The following TBC1D9 variants were observed in gnomAD, a reference collection of about 807,000 sequenced individuals.
The protein encoded by TBC1D9 is TBC1 domain family member 9, also known as TBC1 domain family member 9A.
Under a neutral mutation model 132.0 loss-of-function variants are expected in TBC1D9, and 63 were observed. The ratio of observed to expected loss-of-function variants is 0.48; its 90% CI spans 0.39 to 0.59. TBC1D9 has a LOEUF of 0.59. Ranked by LOEUF, TBC1D9 falls within the 20% of genes least tolerant of loss-of-function variation. TBC1D9 has a pLI of 0.00. For synonymous variants in TBC1D9, 610 were observed against 609.9 expected (o/e 1.00, Z 0.00); for missense variants, 1,261 against 1,592.7 (o/e 0.79, Z 3.54).
At chr4:140,643,479 G>A (rs956165090) in intron 13 of TBC1D9, 21 of 886,768 alleles carry the variant, frequency 2.4e-5, no homozygotes, top group Admixed American at 7.5e-5. Flanking sequence ...GGTGCTGCCG[G>A]GCACAGGCAC....
rs1293894392 is a variant in TBC1D9 at position 140,621,912 on chromosome 4, A to G, written c.*283T>C. 3.2e-6 allele frequency: 1 copy of G among 314,680 alleles called. No homozygotes were observed. The highest frequency in any genetic ancestry group is 2.1e-5 in the African/African-American group (1 of 47,170). 19.5% of individuals were successfully genotyped at this position (314,680 alleles called of 1,614,324 possible). On this transcript the variant is annotated 3_prime_UTR_variant, in exon 21 of 21. Coordinates refer to ENST00000442267, the MANE Select transcript of TBC1D9 (RefSeq NM_015130.3). ...CAGCAAGATTAATAAGTTATAATAC[A>G]CACATATCACTGACAGATTCATCTT...
chr4:140,723,256 G>A (rs945677433), intron 1 of TBC1D9, among the ~76,000 whole-genome samples: 4 of 152,158 alleles, frequency 2.6e-5, no homozygotes, highest in Admixed American at 1.3e-4. Context: ...TTCAACCTGC[G>A]TTACCAAACT....
At chr4:140,724,576 T>C (rs1038123179) in intron 1 of TBC1D9, among the ~76,000 whole-genome samples, 1 of 151,746 alleles carries the variant, frequency 6.6e-6, no homozygotes, top group African/African-American at 2.4e-5. Flanking sequence ...AAACCTGATA[T>C]ATTCTTCTAC....
chr4:140,690,513 C>T (rs1189212719), intron 2 of TBC1D9, among the ~76,000 whole-genome samples: 2 of 152,034 alleles, frequency 1.3e-5, no homozygotes, highest in Admixed American at 6.6e-5. Flanking sequence ...GTCTCCTGTC[C>T]TTCCTTCCTC....
chr4:140,641,528 A>G (rs1736994648), intron 13 of TBC1D9, among the ~76,000 whole-genome samples: 1 of 152,148 alleles, frequency 6.6e-6, no homozygotes, highest in Non-Finnish European at 1.5e-5. Context: ...TCCATTTATA[A>G]AATGTTTCTC....
intron 8 of TBC1D9, among the ~76,000 whole-genome samples, 174 bp downstream of exon 8, chr4:140,669,460 A>G (rs1005534766): frequency 9.9e-5 from 15 of 152,216 alleles, no homozygotes; most frequent in African/African-American, 3.1e-4. Flanking sequence ...TCTATAACTC[A>G]TCTCCTTCCA....
chr4:140,627,343 C>A, intron 18 of TBC1D9, 98 bp downstream of exon 18: 1 of 766,746 alleles, frequency 1.3e-6, no homozygotes, highest in Non-Finnish European at 2.2e-6. Flanking sequence ...TATTTACATA[C>A]TTCTTTGATT....
At chr4:140,646,616 A>G (rs1402439438) in intron 13 of TBC1D9, among the ~76,000 whole-genome samples, 1 of 152,192 alleles carries the variant, frequency 6.6e-6, no homozygotes, top group Non-Finnish European at 1.5e-5. Flanking sequence ...AGCAAAAAAG[A>G]CTATGCCTTT....
At chr4:140,645,793 G>T (rs1229118865) in intron 13 of TBC1D9, among the ~76,000 whole-genome samples, 1 of 152,128 alleles carries the variant, frequency 6.6e-6, no homozygotes, top group Non-Finnish European at 1.5e-5. Context: ...AGTGCATCAT[G>T]CAGGCTCCCT....
intron 1 of TBC1D9, among the ~76,000 whole-genome samples, chr4:140,749,483 C>G (rs1244941483): frequency 6.6e-6 from 1 of 151,990 alleles, no homozygotes; most frequent in Non-Finnish European, 1.5e-5. Flanking sequence ...TGGACATTAA[C>G]TAAATAATAC....
intron 13 of TBC1D9, chr4:140,642,087 G>T (rs1244933369): frequency 4.2e-6 from 3 of 713,098 alleles, no homozygotes; most frequent in South Asian, 1.5e-5. Flanking sequence ...GGGCGGAGGA[G>T]GGGGTGTGTG....
intron 1 of TBC1D9, among the ~76,000 whole-genome samples, chr4:140,708,009 C>T (rs1316855421): frequency 6.6e-6 from 1 of 152,006 alleles, no homozygotes; most frequent in African/African-American, 2.4e-5. Flanking sequence ...TCCCACCAGA[C>T]CCTGGGCAAT....
At chr4:140,623,162 G>A (rs1736648323) in intron 20 of TBC1D9, among the ~76,000 whole-genome samples, 2 of 152,136 alleles carry the variant, frequency 1.3e-5, no homozygotes, top group Non-Finnish European at 2.9e-5. Context: ...ACGGTTCACT[G>A]CAGCCTCAAC....
intron 6 of TBC1D9, among the ~76,000 whole-genome samples, chr4:140,676,464 C>T (rs1737626338): frequency 6.6e-6 from 1 of 152,106 alleles, no homozygotes; most frequent in South Asian, 2.1e-4. Flanking sequence ...ACCAGTCTGC[C>T]CAACATGGTG....
chr4:140,726,331 C>G (rs758174922), intron 1 of TBC1D9, among the ~76,000 whole-genome samples: 1 of 151,978 alleles, frequency 6.6e-6, no homozygotes, highest in Non-Finnish European at 1.5e-5. Context: ...TATATTTGTG[C>G]CTGTGTCAAA....
intron 1 of TBC1D9, among the ~76,000 whole-genome samples, chr4:140,727,109 A>G (rs1738513257): frequency 6.6e-6 from 1 of 152,202 alleles, no homozygotes; most frequent in Non-Finnish European, 1.5e-5. Context: ...CAAATTTAAA[A>G]ATTATAGAGA....
At chr4:140,689,477 CCCT>C (rs1204071542) in intron 2 of TBC1D9, among the ~76,000 whole-genome samples, 6 of 84,794 alleles carry the variant, frequency 7.1e-5, no homozygotes, top group Non-Finnish European at 9.4e-5. Context: ...CCTTCCCTTC[CCCT>C]TTTTCCCTTC....
chr4:140,623,209 C>A (rs1177968522), intron 20 of TBC1D9, among the ~76,000 whole-genome samples: 1 of 152,116 alleles, frequency 6.6e-6, no homozygotes, highest in Non-Finnish European at 1.5e-5. Context: ...CTCAGCCCCC[C>A]AGGCACACAC....
chr4:140,672,458 C>G (rs1056243179), intron 6 of TBC1D9, among the ~76,000 whole-genome samples: 1 of 152,052 alleles, frequency 6.6e-6, no homozygotes, highest in Admixed American at 6.6e-5. Context: ...CCTTTTCTCA[C>G]ATAAAATTTT....
Sources: allele counts gnomAD v4.1 joint callset (sites outside exome capture counted in the v4.1 genomes callset), GRCh38; gene constraint gnomAD v4.1.1; transcripts MANE v1.5; gene names NCBI Gene and HGNC (gene_info 2026-07-23, HGNC 2026-07-21).